PABPC4L: variants seen among roughly 807,000 people sequenced by gnomAD.
PABPC4L encodes the protein poly(A) binding protein cytoplasmic 4 like.
For missense variants in PABPC4L, 452 were observed against 451.4 expected (o/e 1.00, Z -0.01); for synonymous variants, 169 against 164.1 (o/e 1.03, Z -0.23).
the PABPC4L span, among the ~76,000 whole-genome samples, chr4:134,124,646 T>C: frequency 2.0e-5 from 3 of 152,118 alleles, no homozygotes; most frequent in Non-Finnish European, 4.4e-5. Flanking sequence ...TGTTTGGTTA[T>C]ATTTATGGTT....
chr4:134,134,475 C>T, the PABPC4L span, among the ~76,000 whole-genome samples: 3 of 151,652 alleles, frequency 2.0e-5, no homozygotes, highest in Non-Finnish European at 4.4e-5. Context: ...GGACTTTTTA[C>T]TAAACAAAGC....
the PABPC4L span, among the ~76,000 whole-genome samples, chr4:133,981,513 G>C: frequency 6.6e-6 from 1 of 151,872 alleles, no homozygotes; most frequent in Non-Finnish European, 1.5e-5. Context: ...AATTCTAAGT[G>C]GTTATTTAGC....
the PABPC4L span, among the ~76,000 whole-genome samples, chr4:134,030,493 A>T: frequency 6.6e-6 from 1 of 151,956 alleles, no homozygotes; most frequent in Non-Finnish European, 1.5e-5. Flanking sequence ...TCACATATCA[A>T]TCCACCTCTT....
the PABPC4L span, among the ~76,000 whole-genome samples, chr4:134,128,240 G>A: frequency 3.9e-5 from 6 of 152,128 alleles, no homozygotes; most frequent in African/African-American, 1.4e-4. Context: ...ACATATTTGA[G>A]GGAATAATTG....
At chr4:133,981,157 C>A in the PABPC4L span, among the ~76,000 whole-genome samples, 1 of 108,474 alleles carries the variant, frequency 9.2e-6, no homozygotes, top group Admixed American at 1.1e-4. Context: ...CAAGACTCCA[C>A]TGGGGAAAAA....
the PABPC4L span, among the ~76,000 whole-genome samples, chr4:134,097,944 C>G: frequency 5.9e-5 from 9 of 151,888 alleles, no homozygotes; most frequent in South Asian, 1.7e-3. Context: ...CAGGCAGTAG[C>G]TAGACCTACT....
chr4:134,024,990 T>C, the PABPC4L span, among the ~76,000 whole-genome samples: 2 of 148,880 alleles, frequency 1.3e-5, no homozygotes, highest in Non-Finnish European at 3.0e-5. Context: ...CAGGTTGGTC[T>C]CAGACTTCTG....
the PABPC4L span, among the ~76,000 whole-genome samples, chr4:134,166,307 G>C: frequency 2.6e-5 from 4 of 152,068 alleles, no homozygotes; most frequent in Non-Finnish European, 5.9e-5. Flanking sequence ...TATATATGTA[G>C]ATAGATGATA....
chr4:134,121,671 C>A, the PABPC4L span, among the ~76,000 whole-genome samples: 2 of 151,668 alleles, frequency 1.3e-5, no homozygotes, highest in Non-Finnish European at 3.0e-5. Flanking sequence ...CTGTTGAAAT[C>A]TTTGCTTAAC....
the PABPC4L span, among the ~76,000 whole-genome samples, chr4:134,053,040 G>A: frequency 6.6e-6 from 1 of 151,988 alleles, no homozygotes; most frequent in African/African-American, 2.4e-5. Flanking sequence ...ATGCTTTGAA[G>A]TAGCTAAATA....
chr4:134,150,686 G>A, the PABPC4L span, among the ~76,000 whole-genome samples: 7 of 152,108 alleles, frequency 4.6e-5, no homozygotes, highest in African/African-American at 1.2e-4. Flanking sequence ...GATTTTCCAC[G>A]TTCCAATCCA....
At chr4:134,143,061 A>G in the PABPC4L span, among the ~76,000 whole-genome samples, 1 of 151,512 alleles carries the variant, frequency 6.6e-6, no homozygotes, top group South Asian at 2.1e-4. Flanking sequence ...TCACCATAAA[A>G]TACTACAAAC....
the PABPC4L span, among the ~76,000 whole-genome samples, chr4:133,997,154 A>T: frequency 3.3e-5 from 5 of 152,166 alleles, no homozygotes; most frequent in Admixed American, 1.3e-4. Context: ...AAATTAGGTT[A>T]ATTAATAATC....
chr4:133,957,882 C>T, the PABPC4L span, among the ~76,000 whole-genome samples: 24 of 152,344 alleles, frequency 1.6e-4, no homozygotes, highest in Admixed American at 1.5e-3. Context: ...ACCTGGGATG[C>T]TGGGTGCCAT....
At chr4:134,053,414 T>C in the PABPC4L span, among the ~76,000 whole-genome samples, 1 of 152,070 alleles carries the variant, frequency 6.6e-6, no homozygotes, top group Admixed American at 6.6e-5. Context: ...GTGGATGCAA[T>C]GACTTCTTCA....
downstream of PABPC4L, among the ~76,000 whole-genome samples, chr4:134,194,272 T>C (rs1208881264): frequency 6.6e-6 from 1 of 151,772 alleles, no homozygotes; most frequent in Non-Finnish European, 1.5e-5. Flanking sequence ...ATCAGTCAGA[T>C]TAAAATTAAG....
the PABPC4L span, among the ~76,000 whole-genome samples, chr4:133,963,512 C>G: frequency 1.3e-5 from 2 of 152,018 alleles, no homozygotes; most frequent in South Asian, 2.1e-4. Context: ...ATATACAGAA[C>G]ATTCCATCCA....
the PABPC4L span, among the ~76,000 whole-genome samples, chr4:134,146,510 T>C: frequency 3.5e-4 from 54 of 152,188 alleles, no homozygotes; most frequent in African/African-American, 1.3e-3. Context: ...TCAGCTCTTT[T>C]ACTACCACCG....
chr4:133,966,542 C>T, the PABPC4L span, among the ~76,000 whole-genome samples: 2 of 152,124 alleles, frequency 1.3e-5, no homozygotes, highest in Admixed American at 6.5e-5. Context: ...ATTGCAAAAT[C>T]GTGGAACCAA....
Sources: gnomAD v4.1 joint callset for allele counts (sites outside exome capture counted in the v4.1 genomes callset) on GRCh38, gnomAD v4.1.1 for gene constraint, MANE v1.5 for transcripts, NCBI Gene and HGNC (gene_info 2026-07-23, HGNC 2026-07-21) for gene names.